The following SOX5 variants were observed in gnomAD, a reference collection of about 807,000 sequenced individuals.
The protein encoded by SOX5 is transcription factor SOX-5.
A neutral mutation model predicts 92.0 loss-of-function variants in SOX5; 9 were observed. That is an observed-to-expected ratio of 0.10 (90% confidence interval 0.06 to 0.17). The LOEUF is 0.17. SOX5 is among the 10% of genes least tolerant of loss of function. The pLI is 1.00. For synonymous variants in SOX5, 344 were observed against 336.3 expected (o/e 1.02, Z -0.25); for missense variants, 642 against 944.5 (o/e 0.68, Z 4.20).
At chr12:23,949,426 C>G (rs1035090555) in intron 1 of SOX5, 138 bp downstream of exon 1, 1 of 1,023,050 alleles carries the variant, frequency 9.8e-7, no homozygotes, top group Admixed American at 2.0e-5. Context: ...AAAAAATCAG[C>G]TAACAAGATT....
At chr12:24,054,223 G>A (rs1385122779) in intron 4 of SOX5, among the ~76,000 whole-genome samples, 1 of 152,126 alleles carries the variant, frequency 6.6e-6, no homozygotes, top group Non-Finnish European at 1.5e-5. Flanking sequence ...CAATATATAA[G>A]AGCGATTAAA....
intron 3 of SOX5, among the ~76,000 whole-genome samples, chr12:23,819,419 T>C (rs1256668264): frequency 6.6e-6 from 1 of 152,156 alleles, no homozygotes; most frequent in African/African-American, 2.4e-5. Context: ...TCTCTAAATG[T>C]AACTGCAAAT....
intron 4 of SOX5, among the ~76,000 whole-genome samples, chr12:24,051,601 C>G (rs1285670881): frequency 6.6e-6 from 1 of 152,008 alleles, no homozygotes; most frequent in Non-Finnish European, 1.5e-5. Flanking sequence ...CAGAAAAAAT[C>G]CACAAGAAAA....
chr12:24,066,891 A>G (rs1940838698), intron 4 of SOX5, among the ~76,000 whole-genome samples: 1 of 152,212 alleles, frequency 6.6e-6, no homozygotes, highest in African/African-American at 2.4e-5. Flanking sequence ...TTTCACCTAA[A>G]AGTTGCCATC....
intron 3 of SOX5, among the ~76,000 whole-genome samples, chr12:23,821,594 T>C (rs990592171): frequency 4.0e-5 from 6 of 151,734 alleles, no homozygotes; most frequent in African/African-American, 1.4e-4. Flanking sequence ...TGTTTTAGCA[T>C]GAGAAGGCCT....
chr12:23,577,126 C>T (rs1002355327), intron 9 of SOX5, among the ~76,000 whole-genome samples: 9 of 133,898 alleles, frequency 6.7e-5, no homozygotes, highest in East Asian at 4.4e-4. Flanking sequence ...AATATGACAT[C>T]GATATCAAGT....
At chr12:23,921,664 A>G (rs538029401) in intron 1 of SOX5, among the ~76,000 whole-genome samples, 2 of 152,314 alleles carry the variant, frequency 1.3e-5, no homozygotes, top group South Asian at 4.1e-4. Flanking sequence ...CAAAGCAAGA[A>G]AGCAAACAGA....
In SOX5 at chr12:24,506,603, T is replaced by C. The variant is rs143185493; in HGVS notation, c.-251+55726A>G. Among the ~76,000 whole-genome samples, 886 of 152,162 alleles carry C rather than the reference T, an allele frequency of 5.8e-3. 4 individuals are homozygous for C. The highest frequency in any genetic ancestry group is 8.2e-3 in the Non-Finnish European group (559 of 68,004). On this transcript the variant is annotated intron_variant, in intron 1 of 4. Coordinates refer to the SOX5 transcript ENST00000446891. ...TGGTAGGGGTGAATATAGAATTTCA[T>C]GCAAGGGGAGAGTGGCTATAGTTTG... is the stretch of plus-strand genomic sequence containing the variant.
chr12:23,734,769 CAT>C lies in SOX5; in HGVS notation c.742-19_742-18del. The C allele has an allele frequency of 6.2e-7, 1 of 1,607,104 alleles. No homozygotes were observed. The highest frequency in any genetic ancestry group is 8.5e-7 in the Non-Finnish European group (1 of 1,175,118). ...TCTTGCAATCTGTGAAGAAATTGCA[CAT>C]GAGAAATTTACAAGTATATTGTAGT... On this transcript the variant is annotated intron_variant, in intron 5 of 14. Transcript: ENST00000451604.
Position 24,060,331 on chromosome 12 carries a change from G to A in SOX5, c.-2+153012C>T, listed in dbSNP as rs555215500. Among the ~76,000 whole-genome samples the A allele has an allele frequency of 1.4e-4, 22 of 152,272 alleles. No homozygotes were observed. The South Asian group carries it at 4.6e-3, about 32-fold the overall frequency. On this transcript the variant is annotated intron_variant, in intron 4 of 4. Transcript: ENST00000446891. ...GGCCACAGAGCTAGGAAGTGGTGGA[G>A]CCAGGAATTGCACCTATGCGCTTGT...
intron 3 of SOX5, among the ~76,000 whole-genome samples, chr12:24,217,392 G>A (rs1959248062): frequency 6.6e-6 from 1 of 152,160 alleles, no homozygotes; most frequent in Non-Finnish European, 1.5e-5. Flanking sequence ...ATTAGTGTTA[G>A]AACGTAATAC....
intron 1 of SOX5, among the ~76,000 whole-genome samples, chr12:24,443,476 A>G (rs1349440156): frequency 2.0e-5 from 3 of 152,196 alleles, no homozygotes; most frequent in Non-Finnish European, 2.9e-5. Context: ...TACCAAACCA[A>G]TTTGATTCTG....
chr12:23,920,346 T>C (rs989971100), intron 1 of SOX5: 2 of 152,226 alleles, frequency 1.3e-5, no homozygotes, highest in Non-Finnish European at 2.9e-5. Context: ...CCTTGGTGTA[T>C]TTCAAGTAAG....
chr12:24,224,988 T>C (rs945676022), intron 3 of SOX5, among the ~76,000 whole-genome samples: 6 of 152,190 alleles, frequency 3.9e-5, no homozygotes, highest in African/African-American at 1.4e-4. Context: ...TGTGTTGAAT[T>C]CTCAGACTGC....
At chr12:24,472,815 A>G (rs1004732467) in intron 1 of SOX5, among the ~76,000 whole-genome samples, 1 of 151,998 alleles carries the variant, frequency 6.6e-6, no homozygotes, top group African/African-American at 2.4e-5. Flanking sequence ...CATATACTGT[A>G]TGTTATCTAG....
At chr12:24,024,334 A>G (rs10444416) in intron 4 of SOX5, among the ~76,000 whole-genome samples, 76,249 of 151,788 alleles carry the variant, frequency 0.5, 19,581 homozygotes, top group East Asian at 0.7. Flanking sequence ...CATTCACCCA[A>G]TCAAAACATC....
intron 3 of SOX5, among the ~76,000 whole-genome samples, chr12:23,777,934 G>T (rs1202060672): frequency 1.3e-5 from 2 of 152,134 alleles, no homozygotes; most frequent in Non-Finnish European, 2.9e-5. Context: ...GCATCTCACT[G>T]TGCCAAGAGT....
intron 9 of SOX5, among the ~76,000 whole-genome samples, chr12:23,589,818 TG>T (rs1951275132): frequency 6.6e-6 from 1 of 152,016 alleles, no homozygotes. Flanking sequence ...CATTGACCTT[TG>T]ATCATGTATT....
intron 2 of SOX5, among the ~76,000 whole-genome samples, chr12:23,880,178 C>T (rs1043696863): frequency 4.6e-5 from 7 of 152,140 alleles, no homozygotes; most frequent in Admixed American, 1.3e-4. Flanking sequence ...TATGTAAGTG[C>T]ATATATCACA....
Sources: gnomAD v4.1 joint callset for allele counts (sites outside exome capture counted in the v4.1 genomes callset) on GRCh38, gnomAD v4.1.1 for gene constraint, MANE v1.5 for transcripts, NCBI Gene and HGNC (gene_info 2026-07-23, HGNC 2026-07-21) for gene names.